The following SRL variants were observed in gnomAD, a reference collection of about 807,000 sequenced individuals.
The protein encoded by SRL is sarcalumenin.
Under a neutral mutation model 39.5 loss-of-function variants are expected in SRL, and 23 were observed. The observed-to-expected ratio is 0.58, with a 90% CI of 0.42 to 0.82. The LOEUF is 0.82. Ranked by LOEUF, SRL falls within the 40% of genes least tolerant of loss-of-function variation. The probability of loss-of-function intolerance (pLI) is 0.00; values close to 1 mark genes in which losing one functional copy is unlikely to be tolerated. For synonymous variants in SRL, 272 were observed against 237.4 expected (o/e 1.15, Z -1.34); for missense variants, 592 against 607.8 (o/e 0.97, Z 0.27).
chr16:4,206,456 A>G (rs2141035941), intron 1 of SRL, among the ~76,000 whole-genome samples: 1 of 152,198 alleles, frequency 6.6e-6, no homozygotes, highest in Admixed American at 6.5e-5. Context: ...AGGCACTGGC[A>G]TGGGCTACGG....
intron 3 of SRL, among the ~76,000 whole-genome samples, chr16:4,201,234 C>T (rs1644794745): frequency 6.6e-6 from 1 of 151,796 alleles, no homozygotes; most frequent in Non-Finnish European, 1.5e-5. Flanking sequence ...CTGCCTCAGC[C>T]TCCCGAGTAG....
At chr16:4,214,860 T>C (rs532057042) in intron 1 of SRL, among the ~76,000 whole-genome samples, 5 of 151,920 alleles carry the variant, frequency 3.3e-5, no homozygotes, top group Non-Finnish European at 7.4e-5. Context: ...CTCTGCCTCC[T>C]GGGTTCAAGC....
intron 1 of SRL, among the ~76,000 whole-genome samples, chr16:4,210,251 C>G (rs2052376132): frequency 6.6e-6 from 1 of 152,180 alleles, no homozygotes; most frequent in African/African-American, 2.4e-5. Flanking sequence ...ATCTCTATCT[C>G]TCCACCTTCC....
intron 1 of SRL, among the ~76,000 whole-genome samples, chr16:4,227,868 A>T (rs1193569391): frequency 6.6e-6 from 1 of 152,186 alleles, no homozygotes. Flanking sequence ...AGACCTTAAG[A>T]TCTTATTGGA....
At position 4,212,806 on chromosome 16, in the gene SRL, G is replaced by A. The variant is rs1291453144; in HGVS notation, c.62-8172C>T. 3.9e-5 allele frequency among the ~76,000 whole-genome samples: 6 copies of A among 151,996 alleles called. No homozygotes were observed. In the East Asian group the frequency reaches 5.8e-4, roughly 15 times the overall value. On this transcript the variant is annotated intron_variant, in intron 1 of 5. Coordinates refer to ENST00000399609, the MANE Select transcript of SRL (RefSeq NM_001098814.2). ...AGCCCCTCTGCCACCAGCCTTTCTC[G>A]GGGGGCCAGCTTTCCAGCAGGTCCC...
At chr16:4,204,737 A>C (rs1053693534) in intron 1 of SRL, 103 bp from the exon 2 acceptor site, 14 of 940,536 alleles carry the variant, frequency 1.5e-5, no homozygotes, top group Non-Finnish European at 2.2e-5. Context: ...CAGGGGCTCA[A>C]CAGGGTCTTG....
chr16:4,204,266 G>C (rs1051840887), intron 2 of SRL, among the ~76,000 whole-genome samples: 2 of 152,196 alleles, frequency 1.3e-5, no homozygotes, highest in African/African-American at 4.8e-5. Flanking sequence ...GCCCACACCA[G>C]GCCGTCTACT....
intron 1 of SRL, chr16:4,207,137 T>C: frequency 2.2e-6 from 1 of 456,698 alleles, no homozygotes; most frequent in Non-Finnish European, 4.4e-6. Flanking sequence ...CGCCCTCTGC[T>C]TCTTCTGAGC....
At position 4,199,303 on chromosome 16, in the gene SRL, A is replaced by G. The variant is rs73497108; in HGVS notation, c.260-1388T>C. Among the ~76,000 whole-genome samples, 807 of 151,084 alleles carry G rather than the reference A, an allele frequency of 5.3e-3. 5 individuals carry two copies. The highest frequency in any genetic ancestry group is 0.018 in the African/African-American group (744 of 41,112). On this transcript the variant is annotated intron_variant, in intron 3 of 5. Coordinates refer to ENST00000399609, the MANE Select transcript of SRL (RefSeq NM_001098814.2). ...TAGGTAACCACTGCTGACTTCTTAC[A>G]TGTTATTTTAGACATTTTAATGCAT...
intron 3 of SRL, among the ~76,000 whole-genome samples, chr16:4,198,443 T>C (rs2052178340): frequency 6.6e-6 from 1 of 152,092 alleles, no homozygotes; most frequent in African/African-American, 2.4e-5. Context: ...CCAGTGTCTC[T>C]CTCTCTCTTT....
intron 1 of SRL, among the ~76,000 whole-genome samples, chr16:4,220,361 T>C (rs1028583510): frequency 6.6e-6 from 1 of 150,648 alleles, no homozygotes; most frequent in Admixed American, 6.6e-5. Context: ...GGCACGAGAA[T>C]TGCTTGAACC....
intron 1 of SRL, among the ~76,000 whole-genome samples, chr16:4,224,269 A>T (rs1175675781): frequency 1.3e-5 from 2 of 152,218 alleles, no homozygotes; most frequent in Non-Finnish European, 2.9e-5. Context: ...AAAACAGAAG[A>T]GAAAAACACC....
chr16:4,192,536 C>T lies in SRL; in HGVS notation c.1039G>A (p.Val347Ile). 1.2e-6 allele frequency: 2 copies of T among 1,614,158 alleles called. No homozygotes were observed. The highest frequency in any genetic ancestry group is 1.6e-4 in the Middle Eastern group (1 of 6,062). The change falls in exon 6 of 6, where the codon GTT becomes ATT. Residue 347 changes from valine (V) to isoleucine (I), a missense_variant. Transcript: ENST00000399609. This position sits in a 1 kb window ranked among gnomAD's most constrained non-coding sequence, Gnocchi z 4.0. ...TTGTAAGTCTGCAGGTAGCGGTCAACCAGGAGGGCGTGGATGCGGACCCGG... is the reference window on the plus strand; with the variant it reads ...TTGTAAGTCTGCAGGTAGCGGTCAATCAGGAGGGCGTGGATGCGGACCCGG... ...AIRVRIHALLVDRYLQTYKDK... is the reference protein window; with the variant it reads ...AIRVRIHALLIDRYLQTYKDK...
chr16:4,192,858 G>A lies in SRL; in HGVS notation c.717C>T (p.Leu239=), dbSNP rs745654151. Reference sequence around the variant, plus strand: ...ATTCACGCCCCTTCAACTGGCGGAAGAGCATCTCCAGCTCTAGACCCACAT... The same window carrying A: ...ATTCACGCCCCTTCAACTGGCGGAAAAGCATCTCCAGCTCTAGACCCACAT... ...KLDVGLELEM[L]FRQLKGRESQ... is the part of the protein sequence containing the mutation. Residue 239 remains leucine (L), a synonymous_variant, in exon 6 of 6, where the codon CTC becomes CTT. Transcript: ENST00000399609. The surrounding 1 kb of genome is among the most constrained non-coding windows in gnomAD (Gnocchi z 4.0). 6.2e-6 allele frequency: 10 copies of A among 1,614,202 alleles called. No individual in the cohort carries two copies. Among genetic ancestry groups the A allele is most frequent in the Non-Finnish European group, 8.5e-6 (10 of 1,180,042 alleles).
intron 3 of SRL, among the ~76,000 whole-genome samples, chr16:4,202,482 A>G (rs923998063): frequency 6.6e-6 from 1 of 151,898 alleles, no homozygotes; most frequent in African/African-American, 2.4e-5. Flanking sequence ...AGTCCCAGCT[A>G]TTCGGGAGGC....
At chr16:4,208,300 A>C (rs763296964) in intron 1 of SRL, among the ~76,000 whole-genome samples, 1 of 152,120 alleles carries the variant, frequency 6.6e-6, no homozygotes, top group Non-Finnish European at 1.5e-5. Context: ...CCTCCCTCCC[A>C]AGATGTAGAA....
intron 1 of SRL, among the ~76,000 whole-genome samples, chr16:4,223,597 G>A (rs985810377): frequency 1.3e-5 from 2 of 151,390 alleles, no homozygotes; most frequent in African/African-American, 4.9e-5. Flanking sequence ...TGTTATCCAG[G>A]CTGGTGTCAA....
chr16:4,241,109 G>A (rs1481253725), intron 1 of SRL, among the ~76,000 whole-genome samples: 1 of 152,134 alleles, frequency 6.6e-6, no homozygotes, highest in East Asian at 1.9e-4. Context: ...TAGGCTCAGA[G>A]CCCAGCTTGG....
At chr16:4,202,421 A>G (rs951391508) in intron 3 of SRL, among the ~76,000 whole-genome samples, 4 of 152,016 alleles carry the variant, frequency 2.6e-5, no homozygotes, top group South Asian at 2.1e-4. Flanking sequence ...GTGAAACCCC[A>G]TCTCTACTAA....
Sources: allele counts gnomAD v4.1 joint callset (sites outside exome capture counted in the v4.1 genomes callset), GRCh38; gene constraint gnomAD v4.1.1; non-coding constraint Gnocchi (gnomAD v3.1); transcripts MANE v1.5; gene names NCBI Gene and HGNC (gene_info 2026-07-23, HGNC 2026-07-21).